The following POTEF variants were observed in gnomAD, a reference collection of about 807,000 sequenced individuals.
POTEF encodes the protein ANKRD26-like family C member 1B.
POTEF carries 20 observed loss-of-function variants against 83.2 expected under a neutral mutation model. The observed-to-expected ratio is 0.24, with a 90% confidence interval of 0.17 to 0.35. The LOEUF is 0.35. Ranked by LOEUF, POTEF falls within the 10% of genes least tolerant of loss-of-function variation. POTEF has a pLI of 1.00. For missense variants in POTEF, 550 were observed against 1,203.2 expected (o/e 0.46, Z 8.03); for synonymous variants, 196 against 446.4 (o/e 0.44, Z 7.07).
intron 12 of POTEF, among the ~76,000 whole-genome samples, chr2:130,088,871 G>C (rs1684065645): frequency 6.6e-6 from 1 of 152,058 alleles, no homozygotes; most frequent in Non-Finnish European, 1.5e-5. Context: ...CACCACACCT[G>C]GCCTTATTTT....
At chr2:130,102,826 G>C (rs1684411248) in intron 8 of POTEF, among the ~76,000 whole-genome samples, 4 of 151,630 alleles carry the variant, frequency 2.6e-5, no homozygotes, top group Non-Finnish European at 5.9e-5. Flanking sequence ...AACTGCCTTT[G>C]TTCTGCTTCT....
At chr2:130,101,518 T>C (rs933836634) in intron 9 of POTEF, among the ~76,000 whole-genome samples, 2 of 149,686 alleles carry the variant, frequency 1.3e-5, no homozygotes, top group African/African-American at 5.1e-5. Context: ...GTTCCCTCCC[T>C]GAACAGAAAC....
At chr2:130,103,315 GGT>G in intron 8 of POTEF, among the ~76,000 whole-genome samples, 1 of 150,184 alleles carries the variant, frequency 6.7e-6, no homozygotes, top group Admixed American at 6.6e-5. Flanking sequence ...TGGCCATGAT[GGT>G]CCTGATCTTT....
chr2:130,083,270 G>A (rs1683938784), intron 15 of POTEF, among the ~76,000 whole-genome samples: 1 of 151,840 alleles, frequency 6.6e-6, no homozygotes, highest in South Asian at 2.1e-4. Context: ...ATGAGGCAGA[G>A]GTTGCAATGA....
intron 11 of POTEF, among the ~76,000 whole-genome samples, chr2:130,095,053 A>G (rs1573599666): frequency 8.8e-5 from 5 of 56,592 alleles, no homozygotes; most frequent in Admixed American, 5.9e-4. Context: ...TTTGAGATGG[A>G]GTCTTGCTCT....
At chr2:130,100,906 T>C (rs934801887) in intron 9 of POTEF, among the ~76,000 whole-genome samples, 186 bp from the exon 10 acceptor site, 1 of 148,282 alleles carries the variant, frequency 6.7e-6, no homozygotes, top group African/African-American at 2.6e-5. Context: ...GAATTAACTT[T>C]TTAATCTATG....
At chr2:130,118,680 A>T (rs1275024677) in intron 3 of POTEF, among the ~76,000 whole-genome samples, 1 of 151,130 alleles carries the variant, frequency 6.6e-6, no homozygotes, top group African/African-American at 2.4e-5. Context: ...GGGGCAGCAG[A>T]GTCAGACTCC....
intron 11 of POTEF, among the ~76,000 whole-genome samples, chr2:130,096,552 T>C (rs2104794957): frequency 6.7e-6 from 1 of 150,154 alleles, no homozygotes; most frequent in Middle Eastern, 3.5e-3. Flanking sequence ...AATAGAGACG[T>C]CAAGTAGGCA....
intron 5 of POTEF, among the ~76,000 whole-genome samples, chr2:130,113,526 CGTTGTT>C (rs199552549): frequency 1.0e-4 from 10 of 96,834 alleles, no homozygotes; most frequent in South Asian, 6.7e-4. Context: ...TTGTTGTTGT[CGTTGTT>C]GTTGTTGTTG....
At chr2:130,102,725 A>T (rs1420315923) in intron 8 of POTEF, among the ~76,000 whole-genome samples, 1 of 150,892 alleles carries the variant, frequency 6.6e-6, no homozygotes, top group Non-Finnish European at 1.5e-5. Context: ...TGTTTTTACA[A>T]ATGCATACTA....
chr2:130,086,570 TA>T (rs1684022173), intron 13 of POTEF, among the ~76,000 whole-genome samples, 183 bp from the exon 14 acceptor site: 1 of 103,388 alleles, frequency 9.7e-6, no homozygotes, highest in Non-Finnish European at 1.9e-5. Context: ...ATTAACTTTT[TA>T]ATCTATGTTT....
chr2:130,108,471 T>C (rs1385310529), intron 7 of POTEF, among the ~76,000 whole-genome samples: 2 of 151,958 alleles, frequency 1.3e-5, no homozygotes, highest in African/African-American at 4.9e-5. Context: ...CACTAGGTTG[T>C]TATAAAGATT....
At position 130,116,038 on chromosome 2, in the gene POTEF, G is replaced by A. The variant is rs183767566; in HGVS notation, c.522-710C>T. 1.9e-3 allele frequency among the ~76,000 whole-genome samples: 284 copies of A among 152,156 alleles called. 3 individuals are homozygous for A. The highest frequency in any genetic ancestry group is 5.4e-3 in the African/African-American group (225 of 41,448). On this transcript the variant is annotated intron_variant, in intron 3 of 16. Transcript: ENST00000409914. ...AAGTAGAATATGTTATAACAGGTCC[G>A]GGGCGGTTCCAGTCAGATGACCAGC...
chr2:130,075,066 G>T lies in POTEF; in HGVS notation c.2406C>A (p.Pro802=). 6.2e-7 allele frequency: 1 copy of T among 1,613,818 alleles called. No homozygotes were observed. Reference sequence around the variant, plus strand: ...TCAGGGTGGCCTCGGTCAGCAGGACGGGGTGCTCCTCGGGAGCCACACGCA... The same window carrying T: ...TCAGGGTGGCCTCGGTCAGCAGGACTGGGTGCTCCTCGGGAGCCACACGCA... The part of the protein sequence containing the change: ...NELRVAPEEH[P]VLLTEATLNP... Residue 802 remains proline, a synonymous_variant, in exon 17 of 17, where the codon CCC becomes CCA. Transcript: ENST00000409914.
chr2:130,114,078 G>A (rs1684780045), intron 5 of POTEF, among the ~76,000 whole-genome samples: 1 of 151,800 alleles, frequency 6.6e-6, no homozygotes, highest in Non-Finnish European at 1.5e-5. Context: ...AGGATACTAA[G>A]TCAGTTAATT....
At chr2:130,127,351 A>AAAAAAAAC (rs1685123552) in intron 2 of POTEF, among the ~76,000 whole-genome samples, 1 of 138,006 alleles carries the variant, frequency 7.2e-6, no homozygotes, top group African/African-American at 2.9e-5. Flanking sequence ...AAAAAAAAAA[A>AAAAAAAAC]GCCACACACA....
chr2:130,109,167 T>G (rs1684633505), intron 7 of POTEF: 1 of 151,218 alleles, frequency 6.6e-6, no homozygotes. Context: ...TCAGAGCTAG[T>G]CAGCAAAAAT....
chr2:130,075,010 T>A lies in POTEF; in HGVS notation c.2462A>T (p.Gln821Leu), dbSNP rs1038388232. Reference protein sequence around the residue: ...NPKANREKMTQIMFETFNTPA... With the variant: ...NPKANREKMTLIMFETFNTPA... Reference sequence around the variant, plus strand: ...GGTGTTGAAGGTCTCAAACATGATCTGGGTCATCTTCTCGCGGTTGGCCTT... The same window carrying A: ...GGTGTTGAAGGTCTCAAACATGATCAGGGTCATCTTCTCGCGGTTGGCCTT... The change falls in exon 17 of 17, where the codon CAG (glutamine) becomes CTG (leucine). Residue 821 changes from glutamine to leucine, a missense_variant. Gln to Leu is a moderately radical substitution (Grantham distance 113, BLOSUM62 -2). Transcript: ENST00000409914. 1 of 1,613,464 alleles carries A rather than the reference T, an allele frequency of 6.2e-7. No homozygotes were observed. Among genetic ancestry groups the A allele is most frequent in the African/African-American group, 1.3e-5 (1 of 74,690 alleles).
At chr2:130,114,820 C>T in intron 5 of POTEF, 61 bp downstream of exon 5, 2 of 1,311,344 alleles carry the variant, frequency 1.5e-6, no homozygotes, top group East Asian at 2.5e-5. Flanking sequence ...GGCCCTTACA[C>T]AGGTCAATGT....
Sources: allele counts gnomAD v4.1 joint callset (sites outside exome capture counted in the v4.1 genomes callset), GRCh38; gene constraint gnomAD v4.1.1; transcripts MANE v1.5; gene names NCBI Gene and HGNC (gene_info 2026-07-23, HGNC 2026-07-21).